Variants in PAK1 observed in about 807,000 individuals in gnomAD.
The protein encoded by PAK1 is serine/threonine-protein kinase PAK 1.
Under a neutral mutation model 67.4 loss-of-function variants are expected in PAK1, and 29 were observed. The ratio of observed to expected loss-of-function variants is 0.43; its 90% CI spans 0.32 to 0.59. PAK1 has a LOEUF of 0.59. PAK1 is among the 20% of genes least tolerant of loss of function. PAK1 has a pLI of 0.07. For synonymous variants in PAK1, 223 were observed against 237.4 expected (o/e 0.94, Z 0.56); for missense variants, 337 against 670.7 (o/e 0.50, Z 5.50).
At chr11:77,498,098 G>A in the PAK1 span, among the ~76,000 whole-genome samples, 1 of 152,026 alleles carries the variant, frequency 6.6e-6, no homozygotes, top group African/African-American at 2.4e-5. Context: ...ACGTAGAACA[G>A]AAAAAGGACA....
the PAK1 span, among the ~76,000 whole-genome samples, chr11:77,522,590 A>G: frequency 6.6e-6 from 1 of 152,220 alleles, no homozygotes; most frequent in South Asian, 2.1e-4. Flanking sequence ...GAGGCTGCAG[A>G]GAAAAGGAAA....
chr11:77,457,791 T>C (rs112588589), intron 1 of PAK1, among the ~76,000 whole-genome samples: 3,208 of 152,238 alleles, frequency 0.021, 113 homozygotes, highest in African/African-American at 0.073. Flanking sequence ...AAATACACAC[T>C]AGGCAGGAGC....
At chr11:77,381,704 C>T (rs1266460858) in intron 2 of PAK1, among the ~76,000 whole-genome samples, 1 of 152,168 alleles carries the variant, frequency 6.6e-6, no homozygotes, top group Non-Finnish European at 1.5e-5. Context: ...GAGATAAATA[C>T]TACTACTGTC....
chr11:77,510,206 C>CA, the PAK1 span, among the ~76,000 whole-genome samples: 3 of 152,132 alleles, frequency 2.0e-5, no homozygotes, highest in Non-Finnish European at 2.9e-5. Context: ...GATATTAAGA[C>CA]GTGTACTTTG....
At chr11:77,407,298 C>G (rs112109048) in intron 1 of PAK1, among the ~76,000 whole-genome samples, 1 of 152,122 alleles carries the variant, frequency 6.6e-6, no homozygotes, top group Non-Finnish European at 1.5e-5. Context: ...GCACATACTT[C>G]GTGGTTTTTG....
intron 1 of PAK1, among the ~76,000 whole-genome samples, chr11:77,471,225 A>T (rs1399161769): frequency 1.3e-5 from 2 of 152,200 alleles, no homozygotes; most frequent in African/African-American, 4.8e-5. Context: ...GATGTCACGC[A>T]GTTAAGTGCT....
chr11:77,463,327 T>TG (rs1237377662), intron 1 of PAK1, among the ~76,000 whole-genome samples: 4 of 152,144 alleles, frequency 2.6e-5, no homozygotes, highest in Admixed American at 2.6e-4. Context: ...AATGGGTATA[T>TG]GGGTGTTCAC....
At chr11:77,345,380 A>G (rs915068256) in intron 9 of PAK1, among the ~76,000 whole-genome samples, 13 of 152,294 alleles carry the variant, frequency 8.5e-5, no homozygotes, top group Middle Eastern at 3.4e-3. Flanking sequence ...CCATAGAAGT[A>G]TACTTTAAAT....
chr11:77,521,903 A>G, the PAK1 span, among the ~76,000 whole-genome samples: 2 of 152,236 alleles, frequency 1.3e-5, no homozygotes, highest in Admixed American at 6.5e-5. Context: ...TCACAGGAAT[A>G]AGCAGGGTTA....
At chr11:77,494,747 T>G in the PAK1 span, among the ~76,000 whole-genome samples, 1 of 152,182 alleles carries the variant, frequency 6.6e-6, no homozygotes, top group African/African-American at 2.4e-5. Flanking sequence ...GGGCCAGGCA[T>G]GATGACTCAC....
At position 77,323,042 on chromosome 11, in the gene PAK1, G is replaced by A; in HGVS notation, c.*232C>T. ...AATCATAAACCACCCTCATATCCAT[G>A]AATTGGGAGGAAATTCCTTATTTAG... On this transcript the variant is annotated 3_prime_UTR_variant, in exon 15 of 15. Coordinates refer to ENST00000356341, the MANE Select transcript of PAK1 (RefSeq NM_002576.5). 2.6e-6 allele frequency: 2 copies of A among 760,324 alleles called. No homozygotes were observed. Among genetic ancestry groups the A allele is most frequent in the Admixed American group, 2.0e-5 (1 of 49,424 alleles). 47.1% of individuals were successfully genotyped at this position (760,324 alleles called of 1,614,324 possible). A position where few individuals can be genotyped will look rare whatever the true frequency, so the allele number is the denominator to read the frequency against.
chr11:77,409,274 A>G (rs1032235309), intron 1 of PAK1, among the ~76,000 whole-genome samples: 2 of 152,050 alleles, frequency 1.3e-5, no homozygotes, highest in African/African-American at 4.8e-5. Context: ...CTGTCTCAAG[A>G]AAAGAAAAAG....
the PAK1 span, among the ~76,000 whole-genome samples, chr11:77,490,295 C>CCCCCCCCCG: frequency 1.4e-5 from 2 of 147,924 alleles, no homozygotes; most frequent in East Asian, 4.1e-4. Context: ...GGTCAGCCCC[C>CCCCCCCCCG]CCACCCGGCC....
At chr11:77,389,037 A>G (rs1452128230) in intron 2 of PAK1, among the ~76,000 whole-genome samples, 1 of 152,216 alleles carries the variant, frequency 6.6e-6, no homozygotes, top group African/African-American at 2.4e-5. Flanking sequence ...ACATTTCATC[A>G]CTACAAAAAG....
At chr11:77,452,757 G>A (rs1592528755) in intron 1 of PAK1, among the ~76,000 whole-genome samples, 1 of 152,142 alleles carries the variant, frequency 6.6e-6, no homozygotes, top group African/African-American at 2.4e-5. Context: ...GAAGCCATAA[G>A]CCACCTAATA....
At chr11:77,376,159 TG>T (rs2137014181) in intron 4 of PAK1, among the ~76,000 whole-genome samples, 1 of 152,306 alleles carries the variant, frequency 6.6e-6, no homozygotes, top group East Asian at 1.9e-4. Context: ...TTTTGAAGAT[TG>T]GGTATTTTGG....
intron 10 of PAK1, among the ~76,000 whole-genome samples, chr11:77,343,060 A>G (rs537908610): frequency 6.6e-6 from 1 of 152,034 alleles, no homozygotes; most frequent in Non-Finnish European, 1.5e-5. Context: ...AAATATGGAT[A>G]AAAAAACCCT....
At chr11:77,424,900 T>C (rs564594185) in intron 1 of PAK1, among the ~76,000 whole-genome samples, 1 of 152,374 alleles carries the variant, frequency 6.6e-6, no homozygotes, top group South Asian at 2.1e-4. Context: ...GCTTCATTCA[T>C]CTCTGTTCCC....
chr11:77,372,586 T>C (rs1948585658), intron 5 of PAK1, among the ~76,000 whole-genome samples: 1 of 152,228 alleles, frequency 6.6e-6, no homozygotes, highest in South Asian at 2.1e-4. Context: ...CGGTATTGTG[T>C]TAGAACTTAA....
Sources: gnomAD v4.1 joint callset for allele counts (sites outside exome capture counted in the v4.1 genomes callset) on GRCh38, gnomAD v4.1.1 for gene constraint, MANE v1.5 for transcripts, NCBI Gene and HGNC (gene_info 2026-07-23, HGNC 2026-07-21) for gene names.